The following CASD1 variants were observed in gnomAD, a reference collection of about 807,000 sequenced individuals.
The protein encoded by CASD1 is N-acetylneuraminate (7)9-O-acetyltransferase.
In CASD1, 41 loss-of-function variants were observed where a neutral mutation model predicts 100.0. The observed-to-expected ratio is 0.41, with a 90% CI of 0.32 to 0.53. The LOEUF (loss-of-function observed/expected upper bound fraction) is 0.53, where lower values mean the gene tolerates loss of function less well. Among genes scored for constraint, CASD1 ranks in the 20% least tolerant of loss-of-function variants. CASD1 has a pLI of 0.25. For synonymous variants in CASD1, 321 were observed against 315.6 expected, an observed-to-expected ratio of 1.02 and a Z score of -0.18; for missense variants, 774 against 948.7, an observed-to-expected ratio of 0.82 and a Z score of 2.42.
intron 3 of CASD1, among the ~76,000 whole-genome samples, chr7:94,518,532 G>A (rs1794087469): frequency 6.6e-6 from 1 of 152,102 alleles, no homozygotes; most frequent in South Asian, 2.1e-4. Flanking sequence ...GCTTTTTATT[G>A]TAATAACTTA....
chr7:94,551,756 C>G (rs757260824), intron 15 of CASD1: 33 of 163,642 alleles, frequency 2.0e-4, no homozygotes, highest in Admixed American at 4.5e-4. Flanking sequence ...CAAATGCATG[C>G]AAAATGTTTG....
the CASD1 span, among the ~76,000 whole-genome samples, chr7:94,581,139 G>T: frequency 6.6e-6 from 1 of 152,128 alleles, no homozygotes; most frequent in Non-Finnish European, 1.5e-5. Flanking sequence ...CTCCACAAAA[G>T]ATAAACATGA....
intron 3 of CASD1, among the ~76,000 whole-genome samples, chr7:94,526,915 G>T (rs1027287903): frequency 6.6e-6 from 1 of 152,176 alleles, no homozygotes; most frequent in Admixed American, 6.5e-5. Flanking sequence ...GTTTGCTGTT[G>T]AAATTTTATT....
intron 10 of CASD1, among the ~76,000 whole-genome samples, chr7:94,542,202 C>T (rs570038312): frequency 1.5e-4 from 23 of 152,186 alleles, no homozygotes; most frequent in East Asian, 3.9e-4. Context: ...AACCTAGGTT[C>T]GACATCTGTT....
At chr7:94,583,607 C>T in the CASD1 span, among the ~76,000 whole-genome samples, 1 of 152,208 alleles carries the variant, frequency 6.6e-6, no homozygotes, top group Non-Finnish European at 1.5e-5. Flanking sequence ...GGTAAATATA[C>T]CCTGGAGGAT....
chr7:94,517,659 A>G lies in CASD1; in HGVS notation c.230+3A>G. The G allele has an allele frequency of 6.3e-7, 1 of 1,576,010 alleles. No individual in the cohort carries two copies. The highest frequency in any genetic ancestry group is 1.1e-5 in the South Asian group (1 of 88,762). ...ATGATGCATAAATACAAAATCAGGT[A>G]ACATTTCTTCATTTTGTTGTTTTCT... On this transcript the variant is annotated splice_donor_region_variant and intron_variant, in intron 2 of 17. Coordinates refer to ENST00000297273, the MANE Select transcript of CASD1 (RefSeq NM_022900.5).
At chr7:94,542,496 T>C (rs542216551) in intron 10 of CASD1, among the ~76,000 whole-genome samples, 2 of 152,358 alleles carry the variant, frequency 1.3e-5, no homozygotes, top group East Asian at 3.8e-4. Flanking sequence ...TTTATTGAAA[T>C]TAATTTCACC....
chr7:94,614,434 C>G, the CASD1 span, among the ~76,000 whole-genome samples: 2 of 152,112 alleles, frequency 1.3e-5, no homozygotes, highest in East Asian at 1.9e-4. Flanking sequence ...GGATGAAATC[C>G]AAATAACTTT....
chr7:94,586,464 C>G, the CASD1 span: 1 of 152,178 alleles, frequency 6.6e-6, no homozygotes, highest in Admixed American at 6.5e-5. Flanking sequence ...CAGCCCTTCT[C>G]TCCAGGAGGC....
Position 94,537,986 on chromosome 7 carries a change from TACAC to T in CASD1, c.1266+94_1266+97del, listed in dbSNP as rs572564131. 1.9e-4 allele frequency: 144 copies of T among 739,392 alleles called. No individual in the cohort carries two copies. The African/African-American group carries it at 2.0e-3, about 10-fold the overall frequency. 45.8% of individuals were successfully genotyped at this position (739,392 alleles called of 1,614,324 possible). A position where few individuals can be genotyped will look rare whatever the true frequency, so the allele number is the denominator to read the frequency against. ...ACTAATATCATTTATCATGACAAAA[TACAC>T]AAACAGGTATAGAGATGAAGATGAA... is the stretch of plus-strand genomic sequence containing the variant. On this transcript the variant is annotated intron_variant, in intron 9 of 17. Transcript: ENST00000297273.
At chr7:94,618,451 C>T in the CASD1 span, 1 of 265,962 alleles carries the variant, frequency 3.8e-6, no homozygotes. Context: ...GCGTCAATTT[C>T]CTTTGAAATT....
the CASD1 span, chr7:94,628,891 G>C: frequency 3.2e-5 from 5 of 156,678 alleles, no homozygotes; most frequent in Admixed American, 3.2e-4. Flanking sequence ...AATAATAACA[G>C]CATCATTTAT....
chr7:94,532,705 A>G (rs769742183), intron 5 of CASD1, among the ~76,000 whole-genome samples: 1 of 151,996 alleles, frequency 6.6e-6, no homozygotes, highest in Non-Finnish European at 1.5e-5. Flanking sequence ...CTCTACTTAT[A>G]TTTTTCCACA....
intron 3 of CASD1, among the ~76,000 whole-genome samples, chr7:94,522,802 C>T (rs1338174283): frequency 2.0e-5 from 3 of 151,962 alleles, no homozygotes; most frequent in East Asian, 3.9e-4. Flanking sequence ...GGACTACAGG[C>T]GCCTGCCACC....
chr7:94,514,996 A>G (rs1159780672), intron 1 of CASD1, among the ~76,000 whole-genome samples: 2 of 152,132 alleles, frequency 1.3e-5, no homozygotes, highest in East Asian at 3.8e-4. Flanking sequence ...GTTTTAGAGT[A>G]TGAAATTTTA....
chr7:94,601,443 C>CAAAAAAAAA, the CASD1 span, among the ~76,000 whole-genome samples: 153 of 89,242 alleles, frequency 1.7e-3, 19 homozygotes, highest in African/African-American at 4.1e-3. Context: ...ATCCCAGTAT[C>CAAAAAAAAA]AAAAAAAAAA....
the CASD1 span, among the ~76,000 whole-genome samples, chr7:94,604,413 T>TACAC: frequency 0.082 from 12,149 of 148,518 alleles, 528 homozygotes; most frequent in East Asian, 0.16. Flanking sequence ...AGAATAGCCA[T>TACAC]ACACACACAC....
At chr7:94,605,008 T>C in the CASD1 span, among the ~76,000 whole-genome samples, 1 of 151,514 alleles carries the variant, frequency 6.6e-6, no homozygotes. Flanking sequence ...AATTACAGAA[T>C]TCTTCCCCTC....
intron 5 of CASD1, among the ~76,000 whole-genome samples, chr7:94,532,614 G>T (rs1023356789): frequency 6.6e-6 from 1 of 152,092 alleles, no homozygotes; most frequent in Non-Finnish European, 1.5e-5. Context: ...TTGACTATGG[G>T]TAACTGAAAC....
Sources: gnomAD v4.1 joint callset for allele counts (sites outside exome capture counted in the v4.1 genomes callset) on GRCh38, gnomAD v4.1.1 for gene constraint, MANE v1.5 for transcripts, NCBI Gene and HGNC (gene_info 2026-07-23, HGNC 2026-07-21) for gene names.